The following KIF13A variants were observed in gnomAD, a reference collection of about 807,000 sequenced individuals.
The protein encoded by KIF13A is kinesin-like protein KIF13A.
In KIF13A, 79 loss-of-function variants were observed where a neutral mutation model predicts 212.2. The observed-to-expected ratio is 0.37, with a 90% CI of 0.31 to 0.45. KIF13A has a LOEUF of 0.45. Among genes scored for constraint, KIF13A ranks in the 20% least tolerant of loss-of-function variants. KIF13A has a pLI of 1.00. For synonymous variants in KIF13A, 789 were observed against 808.6 expected, an observed-to-expected ratio of 0.98 and a Z score of 0.41; for missense variants, 1,901 against 2,209.0, an observed-to-expected ratio of 0.86 and a Z score of 2.79.
chr6:17,821,588 TTGGGGGTGGG>T (rs1764451324), intron 16 of KIF13A, among the ~76,000 whole-genome samples: 2 of 146,288 alleles, frequency 1.4e-5, no homozygotes, highest in South Asian at 2.2e-4. Flanking sequence ...TGTGTGTGTG[TTGGGGGTGGG>T]GTGTTCATAA....
At chr6:17,903,857 T>C (rs12192759) in intron 2 of KIF13A, among the ~76,000 whole-genome samples, 14,626 of 152,182 alleles carry the variant, frequency 0.096, 923 homozygotes, top group East Asian at 0.18. Context: ...AACAGTACAG[T>C]TGCCAGGCGG....
At chr6:17,848,529 G>A (rs1273434006) in intron 9 of KIF13A, among the ~76,000 whole-genome samples, 1 of 140,868 alleles carries the variant, frequency 7.1e-6, no homozygotes, top group African/African-American at 2.6e-5. Flanking sequence ...GCTGCACCAT[G>A]CAGTTTTATT....
chr6:17,800,894 C>T (rs762690059), intron 20 of KIF13A, among the ~76,000 whole-genome samples: 7 of 149,610 alleles, frequency 4.7e-5, no homozygotes, highest in African/African-American at 9.8e-5. Flanking sequence ...CCACCGTGTC[C>T]GGCCAATTTT....
At chr6:17,884,773 C>T (rs775820937) in intron 3 of KIF13A, among the ~76,000 whole-genome samples, 58 of 152,232 alleles carry the variant, frequency 3.8e-4, no homozygotes, top group Non-Finnish European at 7.3e-4. Context: ...CCGCTGTTCA[C>T]ATCTGCAGAC....
intron 2 of KIF13A, among the ~76,000 whole-genome samples, chr6:17,929,769 C>T (rs1002725194): frequency 2.0e-5 from 3 of 152,132 alleles, no homozygotes; most frequent in African/African-American, 7.2e-5. Flanking sequence ...ATCTCAAACC[C>T]GACCTCAAGT....
intron 2 of KIF13A, among the ~76,000 whole-genome samples, chr6:17,906,354 G>A (rs899360435): frequency 1.3e-5 from 2 of 151,446 alleles, no homozygotes; most frequent in Non-Finnish European, 2.9e-5. Context: ...ATGGTGCTTT[G>A]CTTTTTCTTT....
intron 2 of KIF13A, among the ~76,000 whole-genome samples, chr6:17,921,707 G>A (rs1005977221): frequency 3.3e-5 from 5 of 152,122 alleles, no homozygotes; most frequent in East Asian, 1.9e-4. Context: ...AATGCCCTTG[G>A]AAAGCCAAGA....
chr6:17,844,432 C>T, intron 9 of KIF13A, among the ~76,000 whole-genome samples: 1 of 152,112 alleles, frequency 6.6e-6, no homozygotes, highest in East Asian at 1.9e-4. Flanking sequence ...ATATGTTGAA[C>T]CTAGAATTCT....
intron 25 of KIF13A, among the ~76,000 whole-genome samples, chr6:17,790,868 C>G (rs918448982): frequency 6.6e-6 from 1 of 152,158 alleles, no homozygotes; most frequent in African/African-American, 2.4e-5. Context: ...ATAACAATCA[C>G]TTGAAAGAAT....
intron 3 of KIF13A, among the ~76,000 whole-genome samples, chr6:17,885,333 C>G (rs1348844480): frequency 6.6e-6 from 1 of 152,182 alleles, no homozygotes; most frequent in Non-Finnish European, 1.5e-5. Flanking sequence ...GTTTTATTGA[C>G]AGATCTACCT....
In KIF13A at chr6:17,837,025, A is replaced by G. The variant is rs1444551284; in HGVS notation, c.1008T>C (p.Tyr336=). The G allele has an allele frequency of 6.2e-7, 1 of 1,613,996 alleles. No individual in the cohort carries two copies. Among genetic ancestry groups the G allele is most frequent in the Non-Finnish European group, 8.5e-7 (1 of 1,179,882 alleles). The change falls in exon 11 of 39, where the codon TAT becomes TAC. Residue 336 remains tyrosine, a synonymous_variant. Coordinates refer to ENST00000259711, the MANE Select transcript of KIF13A (RefSeq NM_022113.6). The surrounding 1 kb of genome is among the most constrained non-coding windows in gnomAD (Gnocchi z 5.4). ...IATISPAADN[Y]EETLSTLRYA... is the part of the protein sequence containing the mutation. ...ATCTTAATGTGGAGAGGGTCTCTTC[A>G]TAGTTGTCTGCGGCTGGGCTGATTG...
intron 2 of KIF13A, among the ~76,000 whole-genome samples, chr6:17,980,917 A>T (rs1781012724): frequency 6.6e-6 from 1 of 152,124 alleles, no homozygotes; most frequent in African/African-American, 2.4e-5. Context: ...GCAAATAAAA[A>T]CCAAGCATTA....
Position 17,773,453 on chromosome 6 carries a change from C to A in KIF13A, c.4324+25G>T. On this transcript the variant is annotated intron_variant, in intron 36 of 38. Coordinates refer to ENST00000259711, the MANE Select transcript of KIF13A (RefSeq NM_022113.6). This position sits in a 1 kb window ranked among gnomAD's most constrained non-coding sequence, Gnocchi z 4.2. ...TTTCTAAGTAATTACAAAGAAATAT[C>A]ACTGCAAAATAATCTCACCACTACC... 1 of 1,312,232 alleles carries A rather than the reference C, an allele frequency of 7.6e-7. No individual in the cohort carries two copies. Among genetic ancestry groups the A allele is most frequent in the Non-Finnish European group, 1.1e-6 (1 of 912,524 alleles). The allele number at this position is 1,312,232 out of a possible 1,614,324, so 81.3% of individuals were successfully genotyped here. A position where few individuals can be genotyped will look rare whatever the true frequency, so the allele number is the denominator to read the frequency against.
At chr6:17,821,650 C>A (rs1254717006) in intron 16 of KIF13A, 28 of 903,792 alleles carry the variant, frequency 3.1e-5, no homozygotes, top group Middle Eastern at 2.3e-4. Context: ...AGAACACCTT[C>A]ATCAGCCAGA....
At position 17,871,541 on chromosome 6, in the gene KIF13A, G is replaced by T. The variant is rs1380791619; in HGVS notation, c.220+1836C>A. Among the ~76,000 whole-genome samples the T allele has an allele frequency of 6.6e-6, 1 of 152,106 alleles. No homozygotes were observed. Among genetic ancestry groups the T allele is most frequent in the South Asian group, 2.1e-4 (1 of 4,822 alleles). On this transcript the variant is annotated intron_variant, in intron 4 of 38. Coordinates refer to ENST00000259711, the MANE Select transcript of KIF13A (RefSeq NM_022113.6). The surrounding 1 kb of genome is among the most constrained non-coding windows in gnomAD (Gnocchi z 4.4). Reference sequence around the variant, plus strand: ...GCACACACACAGTGGGTTGGGGGGGGAGTCATGAATACTTAAAAAATTATT... The same window carrying T: ...GCACACACACAGTGGGTTGGGGGGGTAGTCATGAATACTTAAAAAATTATT...
rs565704684 is a variant in KIF13A, at chr6:17,934,647, G to T, written c.147-36467C>A. Among the ~76,000 whole-genome samples, 9 of 151,946 alleles carry T rather than the reference G, an allele frequency of 5.9e-5. No individual in the cohort carries two copies. The highest frequency in any genetic ancestry group is 1.3e-4 in the Admixed American group (2 of 15,270). On this transcript the variant is annotated intron_variant, in intron 2 of 38. Transcript: ENST00000259711. The surrounding 1 kb of genome is among the most constrained non-coding windows in gnomAD (Gnocchi z 5.4). ...TACAAAAATATTAAAAATTAGCAGG[G>T]CATGGTGGCACATCCCTGTGGTCTC...
At chr6:17,945,141 A>G (rs1158467146) in intron 2 of KIF13A, among the ~76,000 whole-genome samples, 3 of 152,206 alleles carry the variant, frequency 2.0e-5, no homozygotes, top group Non-Finnish European at 4.4e-5. Flanking sequence ...AAAAATGTTA[A>G]AAGTGACTAC....
At chr6:17,981,416 TTTC>T (rs1437663043) in intron 2 of KIF13A, among the ~76,000 whole-genome samples, 2 of 150,324 alleles carry the variant, frequency 1.3e-5, no homozygotes, top group Non-Finnish European at 2.9e-5. Flanking sequence ...TAGTTTTGTT[TTTC>T]TTTTTTCTTT....
At chr6:17,937,825 C>T (rs6906658) in intron 2 of KIF13A, among the ~76,000 whole-genome samples, 120,751 of 151,322 alleles carry the variant, frequency 0.8, 48,618 homozygotes, top group African/African-American at 0.89. Flanking sequence ...TTTCGGCCAC[C>T]GCAACCTCCA....
Sources: gnomAD v4.1 joint callset for allele counts (sites outside exome capture counted in the v4.1 genomes callset) on GRCh38, gnomAD v4.1.1 for gene constraint, Gnocchi (gnomAD v3.1) non-coding constraint, MANE v1.5 for transcripts, NCBI Gene and HGNC (gene_info 2026-07-23, HGNC 2026-07-21) for gene names.